Variants in PPME1 observed in about 807,000 individuals in gnomAD.
PPME1 encodes protein phosphatase methylesterase 1.
A neutral mutation model predicts 56.9 loss-of-function variants in PPME1; 17 were observed. The observed-to-expected ratio is 0.30, with a 90% CI of 0.20 to 0.45. The LOEUF is 0.45. PPME1 is among the 20% of genes least tolerant of loss of function. PPME1 has a pLI of 1.00. For synonymous variants in PPME1, 122 were observed against 156.2 expected (o/e 0.78, Z 1.63); for missense variants, 357 against 483.2 (o/e 0.74, Z 2.45).
chr11:74,250,859 G>A, intron 11 of PPME1, 95 bp from the exon 12 acceptor site: 1 of 1,025,026 alleles, frequency 9.8e-7, no homozygotes, highest in South Asian at 1.4e-5. Context: ...TTGGAAATGG[G>A]GAGGTAGGTC....
chr11:74,229,162 A>G (rs1038973903), intron 5 of PPME1, among the ~76,000 whole-genome samples: 1 of 152,190 alleles, frequency 6.6e-6, no homozygotes, highest in Non-Finnish European at 1.5e-5. Flanking sequence ...CTTTGCCATT[A>G]TAAATACTGT....
At chr11:74,185,953 A>G (rs1857669688) in intron 1 of PPME1, among the ~76,000 whole-genome samples, 1 of 152,078 alleles carries the variant, frequency 6.6e-6, no homozygotes, top group Non-Finnish European at 1.5e-5. Flanking sequence ...GGTTTCATTT[A>G]TTTGCTTGAA....
chr11:74,202,827 CT>C (rs1858206128), intron 1 of PPME1, among the ~76,000 whole-genome samples: 2 of 152,118 alleles, frequency 1.3e-5, no homozygotes, highest in Admixed American at 6.5e-5. Context: ...CCCAATCATA[CT>C]TTCCTTTCCA....
chr11:74,218,381 C>A (rs1858711639), intron 3 of PPME1, among the ~76,000 whole-genome samples: 1 of 152,130 alleles, frequency 6.6e-6, no homozygotes, highest in African/African-American at 2.4e-5. Flanking sequence ...CAATGATATT[C>A]TTCAAAAAAA....
At chr11:74,209,161 C>T (rs1858406024) in intron 3 of PPME1, among the ~76,000 whole-genome samples, 1 of 152,162 alleles carries the variant, frequency 6.6e-6, no homozygotes, top group Non-Finnish European at 1.5e-5. Context: ...GGCTGGAGTA[C>T]AGTGATGCAA....
chr11:74,202,048 A>T (rs1365280542), intron 1 of PPME1, among the ~76,000 whole-genome samples: 3 of 152,232 alleles, frequency 2.0e-5, no homozygotes, highest in African/African-American at 7.2e-5. Flanking sequence ...CTGAGCAATT[A>T]TCAAATGCTA....
chr11:74,197,701 G>A (rs1158239975), intron 1 of PPME1, among the ~76,000 whole-genome samples: 1 of 152,178 alleles, frequency 6.6e-6, no homozygotes, highest in African/African-American at 2.4e-5. Context: ...TGATAAGAAT[G>A]CAGTATCTCC....
chr11:74,219,958 A>C (rs1299334115), intron 3 of PPME1, among the ~76,000 whole-genome samples: 1 of 152,138 alleles, frequency 6.6e-6, no homozygotes, highest in African/African-American at 2.4e-5. Flanking sequence ...AGTGATGGCT[A>C]CCTCATTTGC....
intron 1 of PPME1, among the ~76,000 whole-genome samples, chr11:74,183,459 A>C (rs1008375000): frequency 6.6e-6 from 1 of 152,230 alleles, no homozygotes; most frequent in Admixed American, 6.5e-5. Context: ...GACTCCAACT[A>C]TGAAGAAATG....
At chr11:74,211,833 A>C (rs1448051638) in intron 3 of PPME1, among the ~76,000 whole-genome samples, 2 of 152,202 alleles carry the variant, frequency 1.3e-5, no homozygotes, top group African/African-American at 2.4e-5. Flanking sequence ...TGACAGAAGA[A>C]GAAATATAGA....
chr11:74,253,560 C>T lies in PPME1; in HGVS notation c.*50C>T, dbSNP rs776799516. The T allele has an allele frequency of 6.3e-5, 99 of 1,561,602 alleles. No homozygotes were observed. The highest frequency in any genetic ancestry group is 7.9e-5 in the Non-Finnish European group (90 of 1,132,442). On this transcript the variant is annotated 3_prime_UTR_variant, in exon 14 of 14. Transcript: ENST00000328257. Reference sequence around the variant, plus strand: ...ACATCGAGCTCTGTTGTAAATACGTCGCACCAGAGGCCACTGTGATGCCAC... The same window carrying T: ...ACATCGAGCTCTGTTGTAAATACGTTGCACCAGAGGCCACTGTGATGCCAC...
In PPME1 at chr11:74,233,524, G is replaced by C. The variant is rs543302105; in HGVS notation, c.645-2377G>C. On this transcript the variant is annotated intron_variant, in intron 7 of 13. Coordinates refer to ENST00000328257, the MANE Select transcript of PPME1 (RefSeq NM_016147.3). ...CAGGGGTATAGTCATTAAGAACCTG[G>C]GCTTTAGGCCAGGTGTGGTGGTTCA... Among the ~76,000 whole-genome samples, 27 of 152,122 alleles carry C rather than the reference G, an allele frequency of 1.8e-4. No individual in the cohort carries two copies. The East Asian group carries it at 5.2e-3, about 29-fold the overall frequency.
intron 9 of PPME1, among the ~76,000 whole-genome samples, chr11:74,241,029 A>AT (rs1471910318): frequency 6.6e-6 from 1 of 152,046 alleles, no homozygotes; most frequent in African/African-American, 2.4e-5. Context: ...ATTCTAACTC[A>AT]TTTTTTCTTT....
At chr11:74,187,557 A>T (rs1363587586) in intron 1 of PPME1, among the ~76,000 whole-genome samples, 3 of 152,206 alleles carry the variant, frequency 2.0e-5, no homozygotes, top group Non-Finnish European at 4.4e-5. Context: ...CAAATTACAG[A>T]AATACAATTG....
In PPME1 at chr11:74,253,217, T is replaced by G. The variant is rs149113902; in HGVS notation, c.1143-275T>G. ...TATGCTGAGCCATCCCTCTAACAAC[T>G]GACCATTCATGGATCCCAGGAACCA... is the stretch of plus-strand genomic sequence containing the variant. On this transcript the variant is annotated intron_variant, in intron 13 of 13. Transcript: ENST00000328257. Among the ~76,000 whole-genome samples the G allele has an allele frequency of 4.3e-4, 65 of 152,270 alleles. 1 individual carries two copies. The highest frequency in any genetic ancestry group is 8.8e-4 in the Non-Finnish European group (60 of 68,016).
intron 9 of PPME1, among the ~76,000 whole-genome samples, chr11:74,242,888 A>C (rs2135674589): frequency 6.6e-6 from 1 of 151,332 alleles, no homozygotes; most frequent in East Asian, 1.9e-4. Flanking sequence ...CAAAAAAAAA[A>C]AAAAAAAAAA....
At chr11:74,227,106 G>T (rs980337199) in intron 5 of PPME1, among the ~76,000 whole-genome samples, 1 of 152,146 alleles carries the variant, frequency 6.6e-6, no homozygotes, top group Non-Finnish European at 1.5e-5. Context: ...AAAAACACTG[G>T]GTTGGGGAGG....
chr11:74,226,593 G>T (rs2135656145), intron 5 of PPME1, among the ~76,000 whole-genome samples: 1 of 152,236 alleles, frequency 6.6e-6, no homozygotes, highest in South Asian at 2.1e-4. Context: ...GAAGTAAAGG[G>T]TTTCTTAACT....
At chr11:74,203,940 T>C in intron 2 of PPME1, 119 bp downstream of exon 2, 1 of 688,982 alleles carries the variant, frequency 1.5e-6, no homozygotes, top group Non-Finnish European at 2.3e-6. Context: ...TATTCCTCAC[T>C]TGTTCTTTAT....
Sources: allele counts gnomAD v4.1 joint callset (sites outside exome capture counted in the v4.1 genomes callset), GRCh38; gene constraint gnomAD v4.1.1; transcripts MANE v1.5; gene names NCBI Gene and HGNC (gene_info 2026-07-23, HGNC 2026-07-21).